Variants in SLC39A11 observed in about 807,000 individuals in gnomAD.
The protein encoded by SLC39A11 is solute carrier family 39 member 11.
In SLC39A11, 33 loss-of-function variants were observed where a neutral mutation model predicts 36.1. That is an observed-to-expected ratio of 0.91 (90% confidence interval 0.69 to 1.22). The LOEUF is 1.22. SLC39A11 is among the 50% of genes most tolerant of loss of function. SLC39A11 has a pLI of 0.00. For missense variants in SLC39A11, 432 were observed against 430.3 expected, an observed-to-expected ratio of 1.00 and a Z score of -0.03; for synonymous variants, 166 against 170.3, an observed-to-expected ratio of 0.97 and a Z score of 0.20.
At chr17:73,053,237 TTTTC>T (rs200207127) in intron 3 of SLC39A11, among the ~76,000 whole-genome samples, 1,529 of 107,986 alleles carry the variant, frequency 0.014, 13 homozygotes, top group Admixed American at 0.027. Flanking sequence ...GCCCATTTGA[TTTTC>T]TTTTTTTTTT....
intron 5 of SLC39A11, among the ~76,000 whole-genome samples, chr17:72,870,299 G>A (rs1028568712): frequency 2.3e-5 from 3 of 132,806 alleles, no homozygotes; most frequent in African/African-American, 5.8e-5. Flanking sequence ...CAGAGGCCCA[G>A]ATTATCTCTG....
chr17:72,844,521 T>A (rs1224914668), intron 6 of SLC39A11, among the ~76,000 whole-genome samples: 1 of 152,060 alleles, frequency 6.6e-6, no homozygotes, highest in African/African-American at 2.4e-5. Flanking sequence ...ATACAAAAAG[T>A]AGCCAGGTGT....
At chr17:73,067,849 G>C in intron 3 of SLC39A11, 3 of 1,598,322 alleles carry the variant, frequency 1.9e-6, no homozygotes, top group Non-Finnish European at 2.6e-6. Context: ...AATGTAGCAA[G>C]TTGATTTTCT....
chr17:72,647,715 CG>C lies in SLC39A11; in HGVS notation c.930-54del, dbSNP rs1376109988. On this transcript the variant is annotated intron_variant, in intron 9 of 9. Coordinates refer to ENST00000255559, the MANE Select transcript of SLC39A11 (RefSeq NM_139177.4). ...AAGACCTTAATGATCCCTGAGGCCA[CG>C]GCTAGGCTGAAGGCATCCTCTGCAA... is the stretch of plus-strand genomic sequence containing the variant. 4.8e-6 allele frequency: 7 copies of C among 1,473,636 alleles called. No individual in the cohort carries two copies. In the African/African-American group the frequency reaches 9.7e-5, roughly 21 times the overall value. 91.3% of individuals were successfully genotyped at this position (1,473,636 alleles called of 1,614,324 possible).
At chr17:72,968,566 A>G (rs2087192186) in intron 4 of SLC39A11, among the ~76,000 whole-genome samples, 1 of 152,206 alleles carries the variant, frequency 6.6e-6, no homozygotes, top group Admixed American at 6.5e-5. Context: ...CAGGTGGTGG[A>G]CTAAGCAGCA....
At chr17:72,829,331 C>T (rs1487874257) in intron 6 of SLC39A11, among the ~76,000 whole-genome samples, 1 of 145,930 alleles carries the variant, frequency 6.9e-6, no homozygotes, top group African/African-American at 2.6e-5. Flanking sequence ...AGCTGGGAGA[C>T]AGAGCGAGCC....
At chr17:72,759,122 A>G (rs2075473425) in intron 6 of SLC39A11, among the ~76,000 whole-genome samples, 1 of 151,664 alleles carries the variant, frequency 6.6e-6, no homozygotes, top group South Asian at 2.1e-4. Flanking sequence ...AATAATAATA[A>G]TAATAATAAA....
chr17:73,035,356 G>C (rs1267616757), intron 3 of SLC39A11, among the ~76,000 whole-genome samples: 2 of 152,076 alleles, frequency 1.3e-5, no homozygotes, highest in Non-Finnish European at 2.9e-5. Flanking sequence ...GGCTAGGCTG[G>C]CCTCGAACTC....
intron 7 of SLC39A11, among the ~76,000 whole-genome samples, chr17:72,683,887 G>A (rs1598335849): frequency 6.6e-6 from 1 of 151,988 alleles, no homozygotes; most frequent in East Asian, 1.9e-4. Flanking sequence ...CAGTCTGGCA[G>A]CTTGGGGCTC....
At chr17:72,851,148 G>C (rs759661039) in intron 5 of SLC39A11, among the ~76,000 whole-genome samples, 2 of 152,042 alleles carry the variant, frequency 1.3e-5, no homozygotes, top group African/African-American at 2.4e-5. Context: ...GACATTCATG[G>C]GCCATCCGTA....
intron 4 of SLC39A11, among the ~76,000 whole-genome samples, chr17:72,969,354 G>C (rs1310889284): frequency 1.3e-5 from 2 of 152,084 alleles, no homozygotes; most frequent in Non-Finnish European, 2.9e-5. Context: ...ATTCAGGGGA[G>C]AGAGGAGAGA....
At chr17:73,038,767 ATGG>A (rs1406544439) in intron 3 of SLC39A11, among the ~76,000 whole-genome samples, 6 of 61,222 alleles carry the variant, frequency 9.8e-5, no homozygotes, top group African/African-American at 3.8e-4. Context: ...GGGAGGAGGG[ATGG>A]AGGAGGGAGG....
rs1457449566 is a variant in SLC39A11 at position 72,838,108 on chromosome 17, A to G, written c.601+11526T>C. 2.2e-5 allele frequency: 11 copies of G among 493,980 alleles called. No individual in the cohort carries two copies. The East Asian group carries it at 3.9e-4, about 17-fold the overall frequency. 30.6% of individuals were successfully genotyped at this position (493,980 alleles called of 1,614,324 possible). A position where few individuals can be genotyped will look rare whatever the true frequency, so the allele number is the denominator to read the frequency against. ...AGGCCACCCTGGCCAACACAGCAAC[A>G]CCCTTGTCTCTACTGGAAGAAAAAA... On this transcript the variant is annotated intron_variant, in intron 6 of 9. Coordinates refer to ENST00000255559, the MANE Select transcript of SLC39A11 (RefSeq NM_139177.4).
At chr17:72,741,454 TTACAG>T (rs2074699103) in intron 6 of SLC39A11, among the ~76,000 whole-genome samples, 1 of 152,182 alleles carries the variant, frequency 6.6e-6, no homozygotes, top group African/African-American at 2.4e-5. Context: ...TTGTGTATTT[TTACAG>T]TAATCAATGA....
intron 6 of SLC39A11, among the ~76,000 whole-genome samples, chr17:72,764,507 GAC>G (rs2075698021): frequency 6.6e-6 from 1 of 152,146 alleles, no homozygotes; most frequent in Non-Finnish European, 1.5e-5. Context: ...TTAGGGGGAT[GAC>G]AGTTTTCCTC....
chr17:72,921,358 T>C (rs2083659555), intron 5 of SLC39A11, among the ~76,000 whole-genome samples: 1 of 152,024 alleles, frequency 6.6e-6, no homozygotes, highest in African/African-American at 2.4e-5. Context: ...GCAAGGAAAG[T>C]GAATGGGACT....
At chr17:72,682,285 C>T (rs968647725) in intron 7 of SLC39A11, among the ~76,000 whole-genome samples, 12 of 149,510 alleles carry the variant, frequency 8.0e-5, no homozygotes, top group African/African-American at 2.7e-4. Flanking sequence ...TGAATCATCC[C>T]GAAACCATCC....
intron 4 of SLC39A11, among the ~76,000 whole-genome samples, chr17:73,012,931 T>C (rs9903535): frequency 0.7 from 106,180 of 151,678 alleles, 41,144 homozygotes; most frequent in Non-Finnish European, 0.87. Context: ...CTGGAGTAGC[T>C]GAGACTACAA....
chr17:72,923,039 C>CTTTGTATG (rs2083788658), intron 5 of SLC39A11, among the ~76,000 whole-genome samples: 1 of 143,196 alleles, frequency 7.0e-6, no homozygotes, highest in Non-Finnish European at 1.5e-5. Context: ...CCCAATTTTG[C>CTTTGTATG]TTTGTATGGT....
Sources: allele counts gnomAD v4.1 joint callset (sites outside exome capture counted in the v4.1 genomes callset), GRCh38; gene constraint gnomAD v4.1.1; transcripts MANE v1.5; gene names NCBI Gene and HGNC (gene_info 2026-07-23, HGNC 2026-07-21).